The following IGF2BP3 variants were observed in gnomAD, a reference collection of about 807,000 sequenced individuals.
IGF2BP3 encodes the protein insulin like growth factor 2 mRNA binding protein 3.
A neutral mutation model predicts 73.8 loss-of-function variants in IGF2BP3; 9 were observed. The observed-to-expected ratio is 0.12, with a 90% CI of 0.07 to 0.21. IGF2BP3 has a LOEUF of 0.21. IGF2BP3 is among the 10% of genes least tolerant of loss of function. The pLI, the probability that IGF2BP3 is intolerant of heterozygous loss-of-function variation, is 1.00. For synonymous variants in IGF2BP3, 258 were observed against 256.7 expected (o/e 1.01, Z -0.05); for missense variants, 542 against 714.0 (o/e 0.76, Z 2.75).
intron 10 of IGF2BP3, among the ~76,000 whole-genome samples, chr7:23,328,899 A>G (rs1295320637): frequency 6.6e-6 from 1 of 152,088 alleles, no homozygotes; most frequent in Non-Finnish European, 1.5e-5. Context: ...TCTATGAGTA[A>G]AAAAAATGTA....
At chr7:23,319,530 G>A (rs1436975772) in intron 10 of IGF2BP3, among the ~76,000 whole-genome samples, 1 of 152,154 alleles carries the variant, frequency 6.6e-6, no homozygotes, top group African/African-American at 2.4e-5. Flanking sequence ...ATATGTAGAT[G>A]TTGTAAAGTT....
At position 23,373,718 on chromosome 7, in the gene IGF2BP3, T is replaced by C. The variant is rs546833885; in HGVS notation, c.286-11977A>G. Reference sequence around the variant, plus strand: ...TCTGGGTATTGATATGGTTTGAACATTGTGTCTTCTTCGAATCTCATGCTG... The same window carrying C: ...TCTGGGTATTGATATGGTTTGAACACTGTGTCTTCTTCGAATCTCATGCTG... On this transcript the variant is annotated intron_variant, in intron 3 of 14. Transcript: ENST00000258729. Among the ~76,000 whole-genome samples the C allele has an allele frequency of 4.6e-5, 7 of 152,268 alleles. No homozygotes were observed. In the East Asian group the frequency reaches 9.6e-4, roughly 21 times the overall value.
chr7:23,408,071 T>C (rs779949372), intron 3 of IGF2BP3, among the ~76,000 whole-genome samples: 4 of 151,972 alleles, frequency 2.6e-5, no homozygotes, highest in Admixed American at 6.6e-5. Flanking sequence ...ATCATATAGA[T>C]TGTCAACAAA....
chr7:23,428,694 G>C (rs1471325537), intron 2 of IGF2BP3, among the ~76,000 whole-genome samples: 1 of 149,202 alleles, frequency 6.7e-6, no homozygotes, highest in Non-Finnish European at 1.5e-5. Context: ...CAGCAACAGA[G>C]CAAGCCTCTT....
chr7:23,382,355 A>G (rs1419612045), intron 3 of IGF2BP3, among the ~76,000 whole-genome samples: 1 of 152,092 alleles, frequency 6.6e-6, no homozygotes. Context: ...TTCAGAAAAC[A>G]CTGTAGTTTG....
Position 23,317,965 on chromosome 7 carries a change from G to C in IGF2BP3, c.1321-252C>G, listed in dbSNP as rs532860025. On this transcript the variant is annotated intron_variant, in intron 11 of 14. Transcript: ENST00000258729. Reference sequence around the variant, plus strand: ...CTGTCTCTCAGCTAATCCTCACCACGTCCTGATGAAGTAGTATTACCTCCA... The same window carrying C: ...CTGTCTCTCAGCTAATCCTCACCACCTCCTGATGAAGTAGTATTACCTCCA... The C allele has an allele frequency of 1.1e-4, 59 of 521,066 alleles. 1 individual carries two copies. Among genetic ancestry groups the C allele is most frequent in the African/African-American group, 9.4e-4 (50 of 53,126 alleles). The allele number at this position is 521,066 out of a possible 1,614,324, so 32.3% of individuals were successfully genotyped here.
chr7:23,426,320 C>CAAA (rs1195063330), intron 2 of IGF2BP3, among the ~76,000 whole-genome samples: 4 of 46,096 alleles, frequency 8.7e-5, no homozygotes, highest in Non-Finnish European at 1.7e-4. Flanking sequence ...AATTCTGTCT[C>CAAA]AAAAAAAAAA....
chr7:23,468,570 C>A, intron 1 of IGF2BP3, 28 bp from the exon 2 acceptor site: 1 of 1,612,126 alleles, frequency 6.2e-7, no homozygotes, highest in Non-Finnish European at 8.5e-7. Flanking sequence ...GTGAGACGGT[C>A]GGCCGAGTTC....
At chr7:23,349,072 G>T (rs1784899032) in intron 6 of IGF2BP3, among the ~76,000 whole-genome samples, 1 of 151,954 alleles carries the variant, frequency 6.6e-6, no homozygotes, top group African/African-American at 2.4e-5. Context: ...TGAGACGAAT[G>T]GTAACTTTTT....
intron 3 of IGF2BP3, among the ~76,000 whole-genome samples, chr7:23,407,405 T>G (rs995650251): frequency 5.9e-5 from 9 of 151,298 alleles, no homozygotes; most frequent in Non-Finnish European, 1.3e-4. Context: ...GGTTGGGAGT[T>G]CGAGACCAGC....
Position 23,361,731 on chromosome 7 carries a change from C to T in IGF2BP3, c.296G>A (p.Ser99Asn). 1 of 1,611,390 alleles carries T rather than the reference C, an allele frequency of 6.2e-7. No homozygotes were observed. ...PPHLQWEVLD[S>N]LLVQYGVVES... ...CACCACTCCATACTGGACTAGTAAA[C>T]TATCCAGCACCTATCAGGAGGGGGA... Residue 99 changes from serine (S) to asparagine (N), a missense_variant, in exon 4 of 15, where the codon AGT becomes AAT. Physicochemically the swap from Ser to Asn is conservative, Grantham distance 46. Transcript: ENST00000258729.
rs1351499619 is a variant in IGF2BP3 at position 23,317,550 on chromosome 7, G to T, written c.1395+89C>A. The T allele has an allele frequency of 2.0e-5, 18 of 909,598 alleles. No homozygotes were observed. In the Admixed American group the frequency reaches 2.4e-4, roughly 12 times the overall value. The allele number at this position is 909,598 out of a possible 1,614,324, so 56.3% of individuals were successfully genotyped here. A position where few individuals can be genotyped will look rare whatever the true frequency, so the allele number is the denominator to read the frequency against. ...AAGAATTTCCATTGACTCTTTCTGA[G>T]ATTTAGACATATTTAAGGGAGACGC... On this transcript the variant is annotated intron_variant, in intron 12 of 14. Coordinates refer to ENST00000258729, the MANE Select transcript of IGF2BP3 (RefSeq NM_006547.3).
chr7:23,392,754 C>T (rs1017588198), intron 3 of IGF2BP3, among the ~76,000 whole-genome samples: 2 of 152,072 alleles, frequency 1.3e-5, no homozygotes, highest in Non-Finnish European at 2.9e-5. Context: ...CTCAGCCTCC[C>T]AAGTAGCTGG....
chr7:23,371,982 C>T (rs965633034), intron 3 of IGF2BP3, among the ~76,000 whole-genome samples: 1 of 152,076 alleles, frequency 6.6e-6, no homozygotes, highest in African/African-American at 2.4e-5. Flanking sequence ...TTCTCTTTGG[C>T]AATGCTGAGC....
intron 2 of IGF2BP3, among the ~76,000 whole-genome samples, chr7:23,446,052 C>A (rs1788056627): frequency 6.6e-6 from 1 of 152,154 alleles, no homozygotes; most frequent in South Asian, 2.1e-4. Context: ...AATCTTTGGA[C>A]ATTAGATGGT....
chr7:23,326,364 G>GAGATACCATCTCACACCAGCT (rs1186624899), intron 10 of IGF2BP3, among the ~76,000 whole-genome samples: 1 of 152,154 alleles, frequency 6.6e-6, no homozygotes, highest in African/African-American at 2.4e-5. Flanking sequence ...AAACCACAGT[G>GAGATACCATCTCACACCAGCT]AGATACCATC....
At chr7:23,432,261 T>G (rs1480439013) in intron 2 of IGF2BP3, among the ~76,000 whole-genome samples, 1 of 152,212 alleles carries the variant, frequency 6.6e-6, no homozygotes, top group Non-Finnish European at 1.5e-5. Context: ...AGACTGAATG[T>G]TTTTCTACGT....
chr7:23,456,655 A>G (rs150297895), intron 2 of IGF2BP3, among the ~76,000 whole-genome samples: 1 of 152,348 alleles, frequency 6.6e-6, no homozygotes, highest in East Asian at 1.9e-4. Flanking sequence ...ATAGTCCTCC[A>G]TGTTTGATGA....
rs1784820090 is a variant in IGF2BP3 at position 23,346,028 on chromosome 7, T to C, written c.853A>G (p.Asn285Asp). Residue 285 changes from asparagine (N) to aspartate (D), a missense_variant, in exon 8 of 15, where the codon AAT becomes GAT. By Grantham distance (23) the Asn-to-Asp change is conservative. Transcript: ENST00000258729. ...CCAATAAGACGTCCAACAAAGTTATTATGAGCTAAAATCTTCAAGGGGATC... is the reference window on the plus strand; with the variant it reads ...CCAATAAGACGTCCAACAAAGTTATCATGAGCTAAAATCTTCAAGGGGATC... ...EEIPLKILAH[N>D]NFVGRLIGKE... is the part of the protein sequence containing the mutation. The C allele has an allele frequency of 6.2e-7, 1 of 1,613,708 alleles. No homozygotes were observed. Among genetic ancestry groups the C allele is most frequent in the Non-Finnish European group, 8.5e-7 (1 of 1,179,998 alleles).
Sources: gnomAD v4.1 joint callset for allele counts (sites outside exome capture counted in the v4.1 genomes callset) on GRCh38, gnomAD v4.1.1 for gene constraint, MANE v1.5 for transcripts, NCBI Gene and HGNC (gene_info 2026-07-23, HGNC 2026-07-21) for gene names.